The following C12orf42 variants were observed in gnomAD, a reference collection of about 807,000 sequenced individuals.
C12orf42 encodes chromosome 12 open reading frame 42.
In C12orf42, 25 loss-of-function variants were observed where a neutral mutation model predicts 21.6. That is an observed-to-expected ratio of 1.16 (90% CI 0.84 to 1.62). C12orf42 has a LOEUF of 1.62. Ranked by LOEUF, C12orf42 falls within the 40% of genes most tolerant of loss-of-function variation. The pLI is 0.00. For missense variants in C12orf42, 483 were observed against 459.3 expected, an observed-to-expected ratio of 1.05 and a Z score of -0.47; for synonymous variants, 174 against 175.0, an observed-to-expected ratio of 0.99 and a Z score of 0.05.
At chr12:103,390,159 C>T (rs2046952029) in intron 3 of C12orf42, among the ~76,000 whole-genome samples, 1 of 152,186 alleles carries the variant, frequency 6.6e-6, no homozygotes, top group South Asian at 2.1e-4. Flanking sequence ...TGTCTTTCCT[C>T]CCTGCTCCCT....
At chr12:103,073,451 T>A in the C12orf42 span, among the ~76,000 whole-genome samples, 2 of 152,184 alleles carry the variant, frequency 1.3e-5, no homozygotes. Context: ...TTCTGTGAAA[T>A]AATTTGGTTG....
the C12orf42 span, among the ~76,000 whole-genome samples, chr12:103,064,354 T>G: frequency 6.6e-6 from 1 of 152,110 alleles, no homozygotes; most frequent in Admixed American, 6.5e-5. Context: ...AAAGCCAAGG[T>G]GGTTGTAGCT....
chr12:103,107,831 G>C, the C12orf42 span, among the ~76,000 whole-genome samples: 2 of 151,368 alleles, frequency 1.3e-5, no homozygotes, highest in Non-Finnish European at 3.0e-5. Flanking sequence ...TCATTCTCTA[G>C]CTTGACTGAT....
intron 2 of C12orf42, among the ~76,000 whole-genome samples, chr12:103,426,345 G>A (rs1280973387): frequency 6.6e-6 from 1 of 152,078 alleles, no homozygotes; most frequent in Non-Finnish European, 1.5e-5. Context: ...TTGATCAAGT[G>A]GAAGAAACAA....
the C12orf42 span, among the ~76,000 whole-genome samples, chr12:103,203,623 T>A: frequency 6.6e-6 from 1 of 152,160 alleles, no homozygotes; most frequent in Non-Finnish European, 1.5e-5. Flanking sequence ...GACACACAGA[T>A]AAGACATCAC....
At chr12:103,189,392 C>T in the C12orf42 span, among the ~76,000 whole-genome samples, 2 of 152,332 alleles carry the variant, frequency 1.3e-5, no homozygotes, top group East Asian at 1.9e-4. Context: ...GATAGAGATT[C>T]TAGCTCTCCT....
chr12:103,194,175 G>A, the C12orf42 span, among the ~76,000 whole-genome samples: 4 of 150,938 alleles, frequency 2.7e-5, no homozygotes, highest in East Asian at 1.9e-4. Flanking sequence ...AACTTACCTC[G>A]ACACATAATA....
At chr12:103,209,528 T>C in the C12orf42 span, among the ~76,000 whole-genome samples, 2 of 152,220 alleles carry the variant, frequency 1.3e-5, no homozygotes, top group African/African-American at 4.8e-5. Context: ...TAAAAGGTGA[T>C]TTGCAAACCA....
intron 10 of C12orf42, among the ~76,000 whole-genome samples, chr12:103,255,396 A>ATGTG (rs904284389): frequency 6.6e-6 from 1 of 152,042 alleles, no homozygotes; most frequent in African/African-American, 2.4e-5. Flanking sequence ...AAACAAAAAA[A>ATGTG]TGTGTGTGTG....
the C12orf42 span, among the ~76,000 whole-genome samples, chr12:103,524,748 A>C: frequency 6.6e-6 from 1 of 152,220 alleles, no homozygotes; most frequent in Non-Finnish European, 1.5e-5. Flanking sequence ...GAGGTCCATC[A>C]ACAGATTGAC....
chr12:103,545,267 C>G, the C12orf42 span, among the ~76,000 whole-genome samples: 1 of 152,158 alleles, frequency 6.6e-6, no homozygotes, highest in Admixed American at 6.5e-5. Flanking sequence ...AACTCTAGCA[C>G]GCATTCCAAG....
chr12:103,381,820 G>T (rs2046204306), intron 3 of C12orf42, among the ~76,000 whole-genome samples: 1 of 152,126 alleles, frequency 6.6e-6, no homozygotes, highest in South Asian at 2.1e-4. Flanking sequence ...GGGAGGCTGA[G>T]GCAGGAGAAT....
intron 2 of C12orf42, among the ~76,000 whole-genome samples, chr12:103,431,635 C>T (rs934757425): frequency 2.6e-5 from 4 of 152,206 alleles, no homozygotes; most frequent in Non-Finnish European, 4.4e-5. Flanking sequence ...TACACATATA[C>T]ATTACATACC....
At chr12:103,396,831 G>A (rs1323847909) in intron 3 of C12orf42, 1 of 152,216 alleles carries the variant, frequency 6.6e-6, no homozygotes, top group African/African-American at 2.4e-5. Context: ...GTAGGGTAGA[G>A]GGGTCCAGAT....
the C12orf42 span, among the ~76,000 whole-genome samples, chr12:103,127,401 A>G: frequency 6.6e-6 from 1 of 152,230 alleles, no homozygotes; most frequent in African/African-American, 2.4e-5. Context: ...CCCAAACACA[A>G]AAATGGGCTA....
At chr12:103,239,046 T>C (rs1018994180) in intron 10 of C12orf42, among the ~76,000 whole-genome samples, 2 of 152,202 alleles carry the variant, frequency 1.3e-5, no homozygotes, top group Non-Finnish European at 2.9e-5. Flanking sequence ...CTTGGGCTTT[T>C]AGTTTTTTCT....
chr12:103,205,234 T>A, the C12orf42 span, among the ~76,000 whole-genome samples: 4 of 152,204 alleles, frequency 2.6e-5, no homozygotes, highest in Non-Finnish European at 5.9e-5. Context: ...ATAGCCCGAG[T>A]ACTAGTTCGT....
chr12:103,360,643 C>T (rs1203941035), intron 4 of C12orf42, among the ~76,000 whole-genome samples: 1 of 151,990 alleles, frequency 6.6e-6, no homozygotes, highest in Non-Finnish European at 1.5e-5. Flanking sequence ...TCTGTTCCTC[C>T]ATTGTGTTTT....
chr12:103,259,887 C>T (rs1479229910), intron 10 of C12orf42, among the ~76,000 whole-genome samples: 3 of 152,112 alleles, frequency 2.0e-5, no homozygotes, highest in Admixed American at 6.6e-5. Context: ...AGGTACAATT[C>T]GTTTAATGTC....
Sources: allele counts gnomAD v4.1 joint callset (sites outside exome capture counted in the v4.1 genomes callset), GRCh38; gene constraint gnomAD v4.1.1; transcripts MANE v1.5; gene names NCBI Gene and HGNC (gene_info 2026-07-23, HGNC 2026-07-21).